The following LDLRAD4 variants were observed in gnomAD, a reference collection of about 807,000 sequenced individuals.
LDLRAD4 encodes low-density lipoprotein receptor class A domain-containing protein 4.
LDLRAD4 carries 5 observed loss-of-function variants against 17.0 expected under a neutral mutation model. That is an observed-to-expected ratio of 0.29 (90% CI 0.15 to 0.62). LDLRAD4 has a LOEUF of 0.62. LDLRAD4 is among the 20% of genes least tolerant of loss of function. The pLI is 0.84. For missense variants in LDLRAD4, 340 were observed against 424.7 expected (o/e 0.80, Z 1.75); for synonymous variants, 168 against 171.8 (o/e 0.98, Z 0.17).
At chr18:13,585,829 A>G (rs1331079578) in intron 3 of LDLRAD4, among the ~76,000 whole-genome samples, 1 of 152,228 alleles carries the variant, frequency 6.6e-6, no homozygotes, top group Non-Finnish European at 1.5e-5. Flanking sequence ...TGGAAAGAAT[A>G]TATATATTTC....
chr18:13,323,954 A>G (rs2081379594), intron 1 of LDLRAD4, among the ~76,000 whole-genome samples: 1 of 151,756 alleles, frequency 6.6e-6, no homozygotes, highest in South Asian at 2.1e-4. Flanking sequence ...AGTCCCAGCT[A>G]CTTGGGAGGC....
At chr18:13,296,495 G>A (rs1401340262) in intron 1 of LDLRAD4, among the ~76,000 whole-genome samples, 1 of 152,052 alleles carries the variant, frequency 6.6e-6, no homozygotes, top group Non-Finnish European at 1.5e-5. Context: ...TCTTCTCTGG[G>A]CACACATGAG....
At chr18:13,642,237 C>T in intron 4 of LDLRAD4, 1 of 986,534 alleles carries the variant, frequency 1.0e-6, no homozygotes, top group East Asian at 1.1e-4. Context: ...GCTGCTGGCG[C>T]CGGGGCCGTC....
chr18:13,641,892 C>T, intron 4 of LDLRAD4: 1 of 985,492 alleles, frequency 1.0e-6, no homozygotes, highest in Non-Finnish European at 1.2e-6. Flanking sequence ...CCTCTGAGTG[C>T]CCCGCAGATG....
chr18:13,624,908 A>T (rs2040990824), intron 4 of LDLRAD4, among the ~76,000 whole-genome samples: 1 of 152,192 alleles, frequency 6.6e-6, no homozygotes, highest in Non-Finnish European at 1.5e-5. Context: ...GTCTGGGCAG[A>T]TGCTGCCATC....
At chr18:13,496,584 G>C (rs577243836) in intron 3 of LDLRAD4, among the ~76,000 whole-genome samples, 1 of 152,148 alleles carries the variant, frequency 6.6e-6, no homozygotes, top group Non-Finnish European at 1.5e-5. Flanking sequence ...TTAGTGTTTC[G>C]AATTAGGGAG....
intron 3 of LDLRAD4, among the ~76,000 whole-genome samples, chr18:13,533,386 A>G (rs1168060003): frequency 6.6e-6 from 1 of 152,258 alleles, no homozygotes; most frequent in African/African-American, 2.4e-5. Context: ...TGCAATGAGC[A>G]GATCTTTGGA....
chr18:13,633,994 T>G (rs1009165803), intron 4 of LDLRAD4, among the ~76,000 whole-genome samples: 10 of 152,184 alleles, frequency 6.6e-5, no homozygotes, highest in Non-Finnish European at 1.3e-4. Flanking sequence ...CCATCAGTGT[T>G]TGATGAAATT....
At chr18:13,264,331 C>G (rs2044091918) in intron 1 of LDLRAD4, among the ~76,000 whole-genome samples, 1 of 152,264 alleles carries the variant, frequency 6.6e-6, no homozygotes, top group Non-Finnish European at 1.5e-5. Context: ...CCGAGTTATC[C>G]TCAGAGCAGG....
chr18:13,268,276 C>T (rs1431854692), intron 1 of LDLRAD4, among the ~76,000 whole-genome samples: 2 of 152,308 alleles, frequency 1.3e-5, no homozygotes, highest in South Asian at 2.1e-4. Flanking sequence ...CCTCCCCCCT[C>T]GGCTTGACTC....
At chr18:13,613,222 A>G (rs1275457909) in intron 3 of LDLRAD4, 1 of 155,924 alleles carries the variant, frequency 6.4e-6, no homozygotes, top group Non-Finnish European at 1.4e-5. Context: ...TCATCCATGT[A>G]GTGACAGGAG....
intron 3 of LDLRAD4, among the ~76,000 whole-genome samples, chr18:13,473,797 A>G (rs895107416): frequency 4.0e-5 from 6 of 151,448 alleles, no homozygotes; most frequent in African/African-American, 1.5e-4. Flanking sequence ...CCCAAAGTGA[A>G]GTTCCTGAGA....
chr18:13,292,397 GCAGGT>G (rs2046015788), intron 1 of LDLRAD4, among the ~76,000 whole-genome samples: 1 of 152,210 alleles, frequency 6.6e-6, no homozygotes. Context: ...TGAGATGATG[GCAGGT>G]CAGGAACATT....
chr18:13,495,439 T>C (rs1167189774), intron 3 of LDLRAD4, among the ~76,000 whole-genome samples: 1 of 152,256 alleles, frequency 6.6e-6, no homozygotes, highest in Non-Finnish European at 1.5e-5. Flanking sequence ...AACAAATGTT[T>C]TCTATTCACC....
At chr18:13,558,360 C>T (rs1375157519) in intron 3 of LDLRAD4, among the ~76,000 whole-genome samples, 1 of 152,200 alleles carries the variant, frequency 6.6e-6, no homozygotes, top group Non-Finnish European at 1.5e-5. Context: ...TACCTCAGTT[C>T]CCCTATTCGT....
intron 3 of LDLRAD4, chr18:13,461,503 A>G (rs1372892346): frequency 6.6e-6 from 1 of 152,222 alleles, no homozygotes; most frequent in Non-Finnish European, 1.5e-5. Context: ...AAACAAAGCA[A>G]GGAAAGAATA....
chr18:13,504,727 T>C (rs2567168), intron 3 of LDLRAD4, among the ~76,000 whole-genome samples: 138,842 of 152,272 alleles, frequency 0.91, 63,784 homozygotes, highest in South Asian at 0.98. Flanking sequence ...CCACCCCACT[T>C]GGCCATTCTG....
chr18:13,296,886 C>T (rs756328484), intron 1 of LDLRAD4, among the ~76,000 whole-genome samples: 8 of 152,112 alleles, frequency 5.3e-5, no homozygotes, highest in Admixed American at 1.3e-4. Flanking sequence ...GTGAGGAGGC[C>T]GTGAGCTTTG....
intron 3 of LDLRAD4, among the ~76,000 whole-genome samples, chr18:13,578,480 G>A (rs2148417750): frequency 6.6e-6 from 1 of 152,238 alleles, no homozygotes; most frequent in Admixed American, 6.5e-5. Context: ...CTTTGTAACT[G>A]TCCTCCTCCA....
Sources: allele counts gnomAD v4.1 joint callset (sites outside exome capture counted in the v4.1 genomes callset), GRCh38; gene constraint gnomAD v4.1.1; transcripts MANE v1.5; gene names NCBI Gene and HGNC (gene_info 2026-07-23, HGNC 2026-07-21).